FNDC3A: variants seen among roughly 807,000 people sequenced by gnomAD.
FNDC3A encodes the protein fibronectin type III domain containing 3A, also known as fibronectin type-III domain-containing protein 3A.
FNDC3A carries 32 observed loss-of-function variants against 148.9 expected under a neutral mutation model. The ratio of observed to expected loss-of-function variants is 0.21; its 90% CI spans 0.16 to 0.29. FNDC3A has a LOEUF of 0.29. Ranked by LOEUF, FNDC3A falls within the 10% of genes least tolerant of loss-of-function variation. The probability of loss-of-function intolerance (pLI) is 1.00; values close to 1 mark genes in which losing one functional copy is unlikely to be tolerated. For missense variants in FNDC3A, 1,191 were observed against 1,452.8 expected, an observed-to-expected ratio of 0.82 and a Z score of 2.93; for synonymous variants, 472 against 473.6, an observed-to-expected ratio of 1.00 and a Z score of 0.04.
chr13:49,175,811 A>G (rs1043804388), intron 13 of FNDC3A, among the ~76,000 whole-genome samples: 3 of 152,206 alleles, frequency 2.0e-5, no homozygotes, highest in Admixed American at 2.0e-4. Context: ...GCTTTTGCAC[A>G]TTCAGTATAT....
chr13:49,161,162 T>A (rs1884085529), intron 8 of FNDC3A, among the ~76,000 whole-genome samples: 1 of 152,214 alleles, frequency 6.6e-6, no homozygotes, highest in Non-Finnish European at 1.5e-5. Context: ...TGAGTTCAAG[T>A]CCTGGGTATC....
At chr13:49,087,876 C>T (rs1056931768) in intron 3 of FNDC3A, among the ~76,000 whole-genome samples, 2 of 151,688 alleles carry the variant, frequency 1.3e-5, no homozygotes, top group African/African-American at 4.8e-5. Context: ...GTTATTTTTA[C>T]GTAAAAATAG....
chr13:49,178,782 T>C, intron 14 of FNDC3A, 128 bp downstream of exon 14: 1 of 535,528 alleles, frequency 1.9e-6, no homozygotes, highest in Non-Finnish European at 3.2e-6. Flanking sequence ...TCACCCAAGC[T>C]GCTGCAGTGG....
In FNDC3A at chr13:49,088,772, C is replaced by T. The variant is rs192774440; in HGVS notation, c.175+13408C>T. Among the ~76,000 whole-genome samples, 128 of 151,906 alleles carry T rather than the reference C, an allele frequency of 8.4e-4. 2 individuals carry two copies. Among genetic ancestry groups the T allele is most frequent in the African/African-American group, 2.7e-3 (112 of 41,428 alleles). On this transcript the variant is annotated intron_variant, in intron 3 of 25. Transcript: ENST00000492622. ...TAAAGACAGGGTCTCGCTATGTTGC[C>T]CAGGCTGGTCTTGAACTCGTAGCCT...
In FNDC3A at chr13:49,175,493, A is replaced by G. The variant is rs747673786; in HGVS notation, c.1482A>G (p.Pro494=). ...SLQWSKPSGT[P]SDEGISYILE... ...AATGGAGTAAGCCCTCAGGAACACCATCAGATGAAGGAATTTCTTACATTT... is the reference window on the plus strand; with the variant it reads ...AATGGAGTAAGCCCTCAGGAACACCGTCAGATGAAGGAATTTCTTACATTT... Residue 494 remains proline, a synonymous_variant, in exon 13 of 26, where the codon CCA becomes CCG. Transcript: ENST00000492622. 6.2e-7 allele frequency: 1 copy of G among 1,612,484 alleles called. No individual in the cohort carries two copies. Among genetic ancestry groups the G allele is most frequent in the Non-Finnish European group, 8.5e-7 (1 of 1,179,210 alleles).
intron 8 of FNDC3A, 24 bp from the exon 9 acceptor site, chr13:49,167,220 G>A (rs1225806210): frequency 6.7e-7 from 1 of 1,488,176 alleles, no homozygotes; most frequent in Non-Finnish European, 9.3e-7. Context: ...TATCAGACAT[G>A]ATATATTACC....
intron 4 of FNDC3A, among the ~76,000 whole-genome samples, chr13:49,115,888 T>C (rs901331012): frequency 1.9e-4 from 29 of 152,296 alleles, no homozygotes; most frequent in Admixed American, 4.6e-4. Flanking sequence ...CTCTAAAAAT[T>C]TGGTACCACT....
At chr13:49,169,430 AT>A (rs1388535151) in intron 10 of FNDC3A, among the ~76,000 whole-genome samples, 1 of 152,216 alleles carries the variant, frequency 6.6e-6, no homozygotes, top group African/African-American at 2.4e-5. Context: ...TGGTTCTTCA[AT>A]TCTGATAGAT....
rs763506530 is a variant in FNDC3A at position 49,152,980 on chromosome 13, C to T, written c.977+7045C>T. ...TGTGAATAATGCCGCAGTAAACATA[C>T]GTGTGCATGTGTCTTTATAGCAGCA... On this transcript the variant is annotated intron_variant, in intron 8 of 25. Transcript: ENST00000492622. Among the ~76,000 whole-genome samples the T allele has an allele frequency of 5.7e-3, 856 of 150,018 alleles. 5 individuals carry two copies. The highest frequency in any genetic ancestry group is 0.01 in the Non-Finnish European group (692 of 66,902).
intron 2 of FNDC3A, among the ~76,000 whole-genome samples, chr13:49,025,109 A>T (rs1309664882): frequency 6.6e-6 from 1 of 152,008 alleles, no homozygotes; most frequent in East Asian, 1.9e-4. Flanking sequence ...TAGTTTTCAA[A>T]TACTGCTTTT....
chr13:49,059,869 A>G (rs572027839), intron 2 of FNDC3A, among the ~76,000 whole-genome samples: 1 of 152,350 alleles, frequency 6.6e-6, no homozygotes, highest in South Asian at 2.1e-4. Context: ...ATGACTTGAA[A>G]AACTTTTCTC....
At chr13:49,021,209 A>G (rs1873300089) in intron 2 of FNDC3A, among the ~76,000 whole-genome samples, 1 of 152,208 alleles carries the variant, frequency 6.6e-6, no homozygotes, top group Non-Finnish European at 1.5e-5. Flanking sequence ...GAGCTTTTCA[A>G]AGCCCCTATA....
At chr13:49,129,889 A>C (rs750953938) in intron 4 of FNDC3A, among the ~76,000 whole-genome samples, 4 of 152,172 alleles carry the variant, frequency 2.6e-5, no homozygotes, top group Non-Finnish European at 5.9e-5. Flanking sequence ...TATACCTACC[A>C]AGCACATATA....
rs543790123 is a variant in FNDC3A, at chr13:49,209,519, A to T, written c.*2124A>T. 1 of 152,756 alleles carries T rather than the reference A, an allele frequency of 6.5e-6. No individual in the cohort carries two copies. The highest frequency in any genetic ancestry group is 1.9e-4 in the East Asian group (1 of 5,188). 9.5% of individuals were successfully genotyped at this position (152,756 alleles called of 1,614,324 possible). A position where few individuals can be genotyped will look rare whatever the true frequency, so the allele number is the denominator to read the frequency against. On this transcript the variant is annotated 3_prime_UTR_variant, in exon 26 of 26. Transcript: ENST00000492622. ...ACTTCATACAAATGAAAAAAATCTC[A>T]TAAAAATACATAAACTATGTAGCAA...
chr13:48,976,297 T>G (rs1222202721), intron 1 of FNDC3A, 120 bp downstream of exon 1: 1 of 152,532 alleles, frequency 6.6e-6, no homozygotes, highest in Admixed American at 6.5e-5. Context: ...CGGGGCACTC[T>G]CCAGGGCTCG....
chr13:49,022,366 T>A (rs1873391612), intron 2 of FNDC3A, among the ~76,000 whole-genome samples: 1 of 152,208 alleles, frequency 6.6e-6, no homozygotes, highest in Admixed American at 6.5e-5. Flanking sequence ...ATAATGTTAC[T>A]TTGGGTTAAA....
chr13:48,998,694 C>T (rs1952068841), intron 1 of FNDC3A, among the ~76,000 whole-genome samples: 1 of 151,978 alleles, frequency 6.6e-6, no homozygotes, highest in Non-Finnish European at 1.5e-5. Flanking sequence ...AAAAAGGCAC[C>T]AGAACTTAAA....
intron 2 of FNDC3A, among the ~76,000 whole-genome samples, chr13:49,017,413 A>G (rs148823918): frequency 1.4e-3 from 210 of 152,256 alleles, no homozygotes; most frequent in African/African-American, 4.9e-3. Flanking sequence ...ATTAGATACT[A>G]GGATTGCAAC....
chr13:49,008,997 A>G (rs1478984989), intron 2 of FNDC3A, among the ~76,000 whole-genome samples: 1 of 152,144 alleles, frequency 6.6e-6, no homozygotes, highest in East Asian at 1.9e-4. Context: ...ATTATTAAGT[A>G]AGGTCCATAG....
Sources: allele counts gnomAD v4.1 joint callset (sites outside exome capture counted in the v4.1 genomes callset), GRCh38; gene constraint gnomAD v4.1.1; transcripts MANE v1.5; gene names NCBI Gene and HGNC (gene_info 2026-07-23, HGNC 2026-07-21).